Variants in PCLO observed in about 807,000 individuals in gnomAD.
The protein encoded by PCLO is piccolo presynaptic cytomatrix protein.
A neutral mutation model predicts 427.5 loss-of-function variants in PCLO; 82 were observed. That is an observed-to-expected ratio of 0.19 (90% CI 0.16 to 0.23). The LOEUF (loss-of-function observed/expected upper bound fraction) is 0.23, where lower values mean the gene tolerates loss of function less well. PCLO is among the 10% of genes least tolerant of loss of function. The pLI, the probability that PCLO is intolerant of heterozygous loss-of-function variation, is 1.00. For synonymous variants in PCLO, 2,357 were observed against 2,155.4 expected (o/e 1.09, Z -2.59); for missense variants, 6,239 against 6,115.9 (o/e 1.02, Z -0.67).
At chr7:83,089,144 CAT>C (rs1790314151) in intron 3 of PCLO, among the ~76,000 whole-genome samples, 8 of 152,024 alleles carry the variant, frequency 5.3e-5, no homozygotes, top group Admixed American at 3.3e-4. Context: ...TGTTTACATA[CAT>C]ACATACATAC....
At chr7:83,051,609 TGTTAA>T (rs150810820) in intron 3 of PCLO, among the ~76,000 whole-genome samples, 1,834 of 152,264 alleles carry the variant, frequency 0.012, 40 homozygotes, top group African/African-American at 0.04. Flanking sequence ...AAGACATTAT[TGTTAA>T]GTTGTCAACC....
intron 22 of PCLO, among the ~76,000 whole-genome samples, chr7:82,786,267 T>A (rs984118764): frequency 6.6e-6 from 1 of 152,070 alleles, no homozygotes; most frequent in African/African-American, 2.4e-5. Context: ...ACCTGAGATA[T>A]AAAATACAGG....
intron 20 of PCLO, 166 bp downstream of exon 20, chr7:82,822,329 A>G: frequency 6.9e-7 from 1 of 1,453,288 alleles, no homozygotes; most frequent in South Asian, 1.5e-5. Flanking sequence ...TAAATAAGAA[A>G]GAGCATATTA....
chr7:82,916,525 G>C lies in PCLO; in HGVS notation c.11461C>G (p.Arg3821Gly), dbSNP rs1794469986. The C allele has an allele frequency of 6.2e-7, 1 of 1,613,668 alleles. No homozygotes were observed. Among genetic ancestry groups the C allele is most frequent in the Non-Finnish European group, 8.5e-7 (1 of 1,179,752 alleles). The change falls in exon 7 of 25, where the codon CGA becomes GGA. Residue 3821 changes from arginine to glycine, a missense_variant. Coordinates refer to ENST00000333891, the MANE Select transcript of PCLO (RefSeq NM_033026.6). ...ALLKEREKRE[R>G]AYLQGVAEDR... ...TCAGCTACTCCCTGGAGGTAGGCTC[G>C]TTCTCTCTTTTCTCTCTCCTTTAAT... is the stretch of plus-strand genomic sequence containing the variant.
At chr7:83,148,541 A>G (rs970781152) in intron 2 of PCLO, among the ~76,000 whole-genome samples, 1 of 152,062 alleles carries the variant, frequency 6.6e-6, no homozygotes, top group Non-Finnish European at 1.5e-5. Context: ...TTTTAACTCT[A>G]TGCAATCTGG....
At chr7:83,022,440 G>C (rs1417238896) in intron 3 of PCLO, among the ~76,000 whole-genome samples, 1 of 152,056 alleles carries the variant, frequency 6.6e-6, no homozygotes, top group African/African-American at 2.4e-5. Context: ...GAAAATGATG[G>C]CAATATTTTA....
At chr7:82,861,186 C>G (rs1792946824) in intron 10 of PCLO, among the ~76,000 whole-genome samples, 1 of 151,830 alleles carries the variant, frequency 6.6e-6, no homozygotes, top group African/African-American at 2.4e-5. Flanking sequence ...TAAACAAGAC[C>G]CATTGTTCTG....
intron 13 of PCLO, among the ~76,000 whole-genome samples, chr7:82,841,902 C>G (rs2115784001): frequency 6.6e-6 from 1 of 152,214 alleles, no homozygotes; most frequent in Middle Eastern, 3.4e-3. Context: ...TGCCGAGGAG[C>G]ACAGAAGGTA....
At chr7:83,031,619 T>C (rs908828756) in intron 3 of PCLO, among the ~76,000 whole-genome samples, 8 of 152,050 alleles carry the variant, frequency 5.3e-5, no homozygotes, top group African/African-American at 1.7e-4. Context: ...CAGAATCAGA[T>C]TCTAAGTGCA....
At chr7:83,122,910 A>G (rs1009968069) in intron 3 of PCLO, among the ~76,000 whole-genome samples, 2 of 152,210 alleles carry the variant, frequency 1.3e-5, no homozygotes, top group African/African-American at 4.8e-5. Flanking sequence ...TTAAATACTT[A>G]GACATAAACT....
intron 3 of PCLO, among the ~76,000 whole-genome samples, chr7:83,013,556 C>T (rs146900195): frequency 6.6e-6 from 1 of 152,184 alleles, no homozygotes; most frequent in African/African-American, 2.4e-5. Flanking sequence ...CTTCCCAGAG[C>T]TGGAGCTGAA....
At chr7:82,883,053 A>G (rs1241227204) in intron 9 of PCLO, among the ~76,000 whole-genome samples, 1 of 152,144 alleles carries the variant, frequency 6.6e-6, no homozygotes, top group Non-Finnish European at 1.5e-5. Flanking sequence ...TCCTGTATCT[A>G]AGCATCAACG....
rs763174732 is a variant in PCLO, at chr7:82,956,068, A to G, written c.4885T>C (p.Trp1629Arg). 1 of 1,612,474 alleles carries G rather than the reference A, an allele frequency of 6.2e-7. No homozygotes were observed. The highest frequency in any genetic ancestry group is 2.2e-5 in the East Asian group (1 of 44,886). ...AATGCTTCATCGTCTTCATCATGCCATGAGTGACGTCTTCCTGCATCTTCA... is the reference window on the plus strand; with the variant it reads ...AATGCTTCATCGTCTTCATCATGCCGTGAGTGACGTCTTCCTGCATCTTCA... ...IDEDAGRRHS[W>R]HDEDDEAFDE... Residue 1629 changes from tryptophan to arginine, a missense_variant, in exon 5 of 25, where the codon TGG becomes CGG. Coordinates refer to ENST00000333891, the MANE Select transcript of PCLO (RefSeq NM_033026.6).
Position 82,833,323 on chromosome 7 carries a change from C to T in PCLO, c.14249+2344G>A, listed in dbSNP as rs185444314. On this transcript the variant is annotated intron_variant, in intron 16 of 24. Coordinates refer to ENST00000333891, the MANE Select transcript of PCLO (RefSeq NM_033026.6). ...CAGTAATGAGAAAATATTTTCACTT[C>T]GCTCAACAGTGTGATGAGAGAAAAC... is the stretch of plus-strand genomic sequence containing the variant. Among the ~76,000 whole-genome samples, 295 of 152,244 alleles carry T rather than the reference C, an allele frequency of 1.9e-3. 5 individuals carry two copies. The highest frequency in any genetic ancestry group is 6.7e-3 in the African/African-American group (278 of 41,544).
chr7:82,838,581 A>G (rs1792287236), intron 14 of PCLO, among the ~76,000 whole-genome samples: 1 of 151,926 alleles, frequency 6.6e-6, no homozygotes, highest in Admixed American at 6.6e-5. Flanking sequence ...TGGCCTGTTT[A>G]AAAGTTTATT....
Position 82,956,417 on chromosome 7 carries a change from T to G in PCLO, c.4536A>C (p.Ser1512=). 1 of 1,613,796 alleles carries G rather than the reference T, an allele frequency of 6.2e-7. No individual in the cohort carries two copies. Among genetic ancestry groups the G allele is most frequent in the Non-Finnish European group, 8.5e-7 (1 of 1,179,848 alleles). ...DITTRREPYD[S]VEESSESENS... Reference sequence around the variant, plus strand: ...TTTCACTTTCACTACTCTCTTCAACTGAATCATAAGGCTCTCTTCTAGTAG... The same window carrying G: ...TTTCACTTTCACTACTCTCTTCAACGGAATCATAAGGCTCTCTTCTAGTAG... Residue 1512 remains serine, a synonymous_variant, in exon 5 of 25, where the codon TCA becomes TCC. Coordinates refer to ENST00000333891, the MANE Select transcript of PCLO (RefSeq NM_033026.6).
In PCLO at chr7:82,822,511, T is replaced by C. The variant is rs749706487; in HGVS notation, c.14775A>G (p.Gln4925=). 1 of 1,613,762 alleles carries C rather than the reference T, an allele frequency of 6.2e-7. No homozygotes were observed. The highest frequency in any genetic ancestry group is 8.5e-7 in the Non-Finnish European group (1 of 1,179,824). The change falls in exon 20 of 25, where the codon CAA becomes CAG. Residue 4925 remains glutamine (Q), a synonymous_variant. Coordinates refer to ENST00000333891, the MANE Select transcript of PCLO (RefSeq NM_033026.6). ...GTCTTTTACTTGGTTGAATGCGGAGTTGTTGCACGGCAGCTTCGGCAGCAG... is the reference window on the plus strand; with the variant it reads ...GTCTTTTACTTGGTTGAATGCGGAGCTGTTGCACGGCAGCTTCGGCAGCAG... The part of the protein sequence containing the change: ...AIAAAEAAVQ[Q]LRIQPTKPPN...
intron 9 of PCLO, 109 bp downstream of exon 9, chr7:82,902,542 A>T: frequency 1.6e-6 from 1 of 630,146 alleles, no homozygotes; most frequent in Non-Finnish European, 2.8e-6. Flanking sequence ...TAACATGCAC[A>T]TTGTGCACAT....
chr7:82,788,689 G>T (rs1791035672), intron 22 of PCLO, among the ~76,000 whole-genome samples: 2 of 151,964 alleles, frequency 1.3e-5, no homozygotes, highest in East Asian at 3.9e-4. Flanking sequence ...TTCTAGACTT[G>T]TCTGCCAGAG....
Sources: gnomAD v4.1 joint callset for allele counts (sites outside exome capture counted in the v4.1 genomes callset) on GRCh38, gnomAD v4.1.1 for gene constraint, MANE v1.5 for transcripts, NCBI Gene and HGNC (gene_info 2026-07-23, HGNC 2026-07-21) for gene names.